TCF20: variants seen among roughly 807,000 people sequenced by gnomAD.
The protein encoded by TCF20 is transcription factor 20.
TCF20 carries 3 observed loss-of-function variants against 148.6 expected under a neutral mutation model. The observed-to-expected ratio is 0.02, with a 90% confidence interval of 0.01 to 0.05. TCF20 has a LOEUF of 0.05. TCF20 is among the 10% of genes least tolerant of loss of function. The pLI is 1.00. For synonymous variants in TCF20, 1,049 were observed against 909.5 expected (o/e 1.15, Z -2.76); for missense variants, 2,350 against 2,429.3 (o/e 0.97, Z 0.69).
At chr22:42,225,000 CT>C (rs34550174) in intron 1 of TCF20, among the ~76,000 whole-genome samples, 5,713 of 130,106 alleles carry the variant, frequency 0.044, 260 homozygotes, top group African/African-American at 0.15. Context: ...GAAATAATCA[CT>C]TTTTTTTTTT....
At chr22:42,188,784 T>C (rs1002891969) in intron 2 of TCF20, among the ~76,000 whole-genome samples, 6 of 152,216 alleles carry the variant, frequency 3.9e-5, no homozygotes, top group Non-Finnish European at 8.8e-5. Context: ...AAATTTTTAT[T>C]GCATGCCTGT....
Position 42,237,536 on chromosome 22 carries a change from G to GT in TCF20, c.-36-22196dup, listed in dbSNP as rs1923996216. Among the ~76,000 whole-genome samples, 5 of 152,240 alleles carry GT rather than the reference G, an allele frequency of 3.3e-5. No individual in the cohort carries two copies. The South Asian group carries it at 1.0e-3, about 32-fold the overall frequency. Reference sequence around the variant, plus strand: ...TGACCTCCTCCCATGAATCACAAATGTTCTTAATGGCATTTAGAATGGTAA... The same window carrying GT: ...TGACCTCCTCCCATGAATCACAAATGTTTCTTAATGGCATTTAGAATGGTAA... On this transcript the variant is annotated intron_variant, in intron 1 of 5. Coordinates refer to ENST00000677622, the MANE Select transcript of TCF20 (RefSeq NM_001378418.1).
upstream of TCF20, among the ~76,000 whole-genome samples, chr22:42,286,690 G>A (rs1458391097): frequency 6.6e-6 from 1 of 152,166 alleles, no homozygotes; most frequent in Non-Finnish European, 1.5e-5. Context: ...GCGCTTCAGG[G>A]GATCAGAGAC....
In TCF20 at chr22:42,339,523, A is replaced by C. The variant is rs577563535; in HGVS notation, c.-37+3956T>G. 9.2e-5 allele frequency among the ~76,000 whole-genome samples: 14 copies of C among 152,350 alleles called. No homozygotes were observed. The South Asian group carries it at 2.9e-3, about 32-fold the overall frequency. ...GAACTGCATGGAAGGCCAAGTGAGG[A>C]GTTGGGGCAGCTGGTGGGGCCAGAA... On this transcript the variant is annotated intron_variant, in intron 1 of 1. Coordinates refer to the TCF20 transcript ENST00000515426.
rs1926536089 is a variant in TCF20, at chr22:42,270,322, G to A, written c.-37+17C>T. Among the ~76,000 whole-genome samples the A allele has an allele frequency of 6.6e-6, 1 of 151,870 alleles. No homozygotes were observed. Among genetic ancestry groups the A allele is most frequent in the Non-Finnish European group, 1.5e-5 (1 of 67,906 alleles). ...GCCCAACCCTCTCCCTGCCCCTCAG[G>A]CCCGGGAGGCGGTTACCTGCAGGAG... On this transcript the variant is annotated intron_variant, in intron 1 of 5. Transcript: ENST00000677622.
chr22:42,190,848 G>A (rs574513490), intron 2 of TCF20, among the ~76,000 whole-genome samples: 1 of 152,158 alleles, frequency 6.6e-6, no homozygotes, highest in East Asian at 1.9e-4. Context: ...TTCTACCAAG[G>A]TGCCCACAAA....
intron 2 of TCF20, among the ~76,000 whole-genome samples, chr22:42,203,404 A>G (rs536436827): frequency 1.3e-5 from 2 of 152,324 alleles, no homozygotes; most frequent in Admixed American, 1.3e-4. Context: ...GAGAAAAAAA[A>G]AGTCAAGAAA....
At chr22:42,216,637 G>A (rs1478865752) in intron 1 of TCF20, among the ~76,000 whole-genome samples, 7 of 152,102 alleles carry the variant, frequency 4.6e-5, no homozygotes, top group African/African-American at 1.4e-4. Context: ...ACCTTTACCC[G>A]CCATGTGGTA....
At chr22:42,329,697 A>T (rs962887285) in intron 1 of TCF20, among the ~76,000 whole-genome samples, 1 of 152,212 alleles carries the variant, frequency 6.6e-6, no homozygotes, top group East Asian at 1.9e-4. Flanking sequence ...CTAGCCACAG[A>T]CGGTGGCAGA....
At chr22:42,342,926 G>A (rs1025963596) in intron 1 of TCF20, among the ~76,000 whole-genome samples, 29 of 152,200 alleles carry the variant, frequency 1.9e-4, no homozygotes, top group Admixed American at 1.6e-3. Context: ...GCTTCTAGGC[G>A]CTAGTCAGGA....
chr22:42,185,193 C>T lies in TCF20; in HGVS notation c.5656-5491G>A, dbSNP rs570930268. 5.9e-5 allele frequency among the ~76,000 whole-genome samples: 9 copies of T among 152,338 alleles called. No homozygotes were observed. In the East Asian group the frequency reaches 1.4e-3, roughly 23 times the overall value. On this transcript the variant is annotated intron_variant, in intron 2 of 5. Coordinates refer to ENST00000677622, the MANE Select transcript of TCF20 (RefSeq NM_001378418.1). ...TAGTATTATAGCACACTGATGACAACTGGTTTTGTTCAAGCCTTGCAGATT... is the reference window on the plus strand; with the variant it reads ...TAGTATTATAGCACACTGATGACAATTGGTTTTGTTCAAGCCTTGCAGATT...
Position 42,214,197 on chromosome 22 carries a change from G to T in TCF20, c.1109C>A (p.Pro370His). Residue 370 changes from proline to histidine, a missense_variant, in exon 2 of 6, where the codon CCT (proline) becomes CAT (histidine). Pro to His is a moderately conservative substitution (Grantham distance 77). Around this residue, in one of 7 missense-constraint regions of TCF20, gnomAD observed 1,641 missense variants for 1,662.6 expected, o/e 0.99. Coordinates refer to ENST00000677622, the MANE Select transcript of TCF20 (RefSeq NM_001378418.1). ...CTGAACCACAGAGGCAGCTGGAGAA[G>T]GGTTAGAAATGGGGCTGAAGTTCTG... The part of the protein sequence containing the change: ...FHQNFSPISN[P>H]SPAASVVQSP... 1 of 1,614,248 alleles carries T rather than the reference G, an allele frequency of 6.2e-7. No individual in the cohort carries two copies. The highest frequency in any genetic ancestry group is 8.5e-7 in the Non-Finnish European group (1 of 1,180,050).
intron 1 of TCF20, among the ~76,000 whole-genome samples, chr22:42,315,979 G>T (rs1927622393): frequency 6.6e-6 from 1 of 151,938 alleles, no homozygotes; most frequent in Non-Finnish European, 1.5e-5. Flanking sequence ...GCTGGGCGTG[G>T]TGGTGCATGC....
At chr22:42,181,665 T>C (rs1223434641) in intron 2 of TCF20, among the ~76,000 whole-genome samples, 1 of 151,132 alleles carries the variant, frequency 6.6e-6, no homozygotes, top group Non-Finnish European at 1.5e-5. Flanking sequence ...TGGAGTGCAG[T>C]GGCACAATCA....
Position 42,279,097 on chromosome 22 carries a change from CT to C in TCF20, c.-37+4729del, listed in dbSNP as rs1443203854. ...AACCACTTCTTCACAAGTTTTGTGT[CT>C]CCCCAGCCTCCTCCCCTAGGGCTCT... On this transcript the variant is annotated intron_variant, in intron 1 of 5. Coordinates refer to the TCF20 transcript ENST00000359486. This position sits in a 1 kb window ranked among gnomAD's most constrained non-coding sequence, Gnocchi z 4.3. Among the ~76,000 whole-genome samples the C allele has an allele frequency of 6.6e-6, 1 of 152,194 alleles. No individual in the cohort carries two copies. The highest frequency in any genetic ancestry group is 1.9e-4 in the East Asian group (1 of 5,192).
intron 2 of TCF20, among the ~76,000 whole-genome samples, chr22:42,191,254 T>C (rs903470801): frequency 1.3e-5 from 2 of 152,212 alleles, no homozygotes; most frequent in South Asian, 4.1e-4. Flanking sequence ...TTCTTTGTGC[T>C]AACCAAACTT....
chr22:42,193,826 C>T (rs1937463372), intron 2 of TCF20, among the ~76,000 whole-genome samples: 1 of 152,148 alleles, frequency 6.6e-6, no homozygotes, highest in African/African-American at 2.4e-5. Context: ...ATAATTATGA[C>T]TCTTTGCCAA....
intron 1 of TCF20, among the ~76,000 whole-genome samples, chr22:42,230,977 G>A (rs1023447985): frequency 6.6e-6 from 1 of 151,628 alleles, no homozygotes; most frequent in Non-Finnish European, 1.5e-5. Context: ...TGGCCAACAC[G>A]GTGAAACCCC....
Position 42,215,219 on chromosome 22 carries a change from C to G in TCF20, c.87G>C (p.Glu29Asp), listed in dbSNP as rs760777242. Residue 29 changes from glutamate (E) to aspartate (D), a missense_variant, in exon 2 of 6, where the codon GAG becomes GAC. Physicochemically the swap from Glu to Asp is conservative, Grantham distance 45. This residue lies in a region of TCF20 where 1,641 missense variants were observed against 1,662.6 expected (regional missense o/e 0.99). Coordinates refer to ENST00000677622, the MANE Select transcript of TCF20 (RefSeq NM_001378418.1). The part of the protein sequence containing the change: ...QEVHGSSRLE[E>D]FSPRQAQMFQ... Reference sequence around the variant, plus strand: ...ACATCTGGGCCTGACGAGGGCTGAACTCTTCTAGCCGGGATGAGCCGTGTA... The same window carrying G: ...ACATCTGGGCCTGACGAGGGCTGAAGTCTTCTAGCCGGGATGAGCCGTGTA... 6.2e-7 allele frequency: 1 copy of G among 1,614,214 alleles called. No homozygotes were observed. The highest frequency in any genetic ancestry group is 2.2e-5 in the East Asian group (1 of 44,886).
Sources: allele counts gnomAD v4.1 joint callset (sites outside exome capture counted in the v4.1 genomes callset), GRCh38; gene constraint gnomAD v4.1.1; regional missense constraint gnomAD v4.1.1; non-coding constraint Gnocchi (gnomAD v3.1); transcripts MANE v1.5; gene names NCBI Gene and HGNC (gene_info 2026-07-23, HGNC 2026-07-21).